CEACAM20: variants seen among roughly 807,000 people sequenced by gnomAD.
CEACAM20 encodes CEA cell adhesion molecule 20, also known as cell adhesion molecule CEACAM20.
A neutral mutation model predicts 61.2 loss-of-function variants in CEACAM20; 50 were observed. The ratio of observed to expected loss-of-function variants is 0.82; its 90% CI spans 0.65 to 1.03. CEACAM20 has a LOEUF of 1.03. Ranked by LOEUF, CEACAM20 falls within the 50% of genes least tolerant of loss-of-function variation. The pLI, the probability that CEACAM20 is intolerant of heterozygous loss-of-function variation, is 0.00. For missense variants in CEACAM20, 683 were observed against 736.4 expected (o/e 0.93, Z 0.84); for synonymous variants, 282 against 287.7 (o/e 0.98, Z 0.20).
In CEACAM20 at chr19:44,511,035, A is replaced by G; in HGVS notation, c.1732T>C (p.Tyr578His). ...STVPKNMESI[Y>H]EELVNPEPNT... ...TCAGTGTGGCATAAACATACCTCAT[A>G]GATTGACTCCATGTTTTTTGGCACA... Residue 578 changes from tyrosine to histidine, a missense_variant, in exon 11 of 12, where the codon TAT becomes CAT. By Grantham distance (83) the Tyr-to-His change is moderately conservative (BLOSUM62 2). Transcript: ENST00000614924. 6.2e-7 allele frequency: 1 copy of G among 1,613,954 alleles called. No individual in the cohort carries two copies. Among genetic ancestry groups the G allele is most frequent in the Non-Finnish European group, 8.5e-7 (1 of 1,179,854 alleles).
Position 44,517,272 on chromosome 19 carries a change from C to A in CEACAM20, c.1031-48G>T. 3 of 1,584,926 alleles carry A rather than the reference C, an allele frequency of 1.9e-6. No homozygotes were observed. The South Asian group carries it at 3.3e-5, about 18-fold the overall frequency. On this transcript the variant is annotated intron_variant, in intron 5 of 11. Coordinates refer to ENST00000614924, the MANE Select transcript of CEACAM20 (RefSeq NM_001102597.3). ...TGCACCCTGGCCCCCATCAGCGAGTCATCCCATTCTGCCCCATTCACTTTC... is the reference window on the plus strand; with the variant it reads ...TGCACCCTGGCCCCCATCAGCGAGTAATCCCATTCTGCCCCATTCACTTTC...
At chr19:44,529,305 C>T (rs1971637452) in intron 1 of CEACAM20, among the ~76,000 whole-genome samples, 153 bp downstream of exon 1, 1 of 151,630 alleles carries the variant, frequency 6.6e-6, no homozygotes, top group South Asian at 2.1e-4. Flanking sequence ...CTGTCTCTGT[C>T]TCTGTGTCTC....
intron 3 of CEACAM20, 26 bp from the exon 4 acceptor site, chr19:44,522,938 AG>A: frequency 6.3e-7 from 1 of 1,576,178 alleles, no homozygotes; most frequent in Non-Finnish European, 8.6e-7. Flanking sequence ...CAATTACAGC[AG>A]TAACAACAGC....
At chr19:44,523,239 T>A (rs1249219048) in intron 3 of CEACAM20, among the ~76,000 whole-genome samples, 1 of 151,722 alleles carries the variant, frequency 6.6e-6, no homozygotes, top group Admixed American at 6.6e-5. Flanking sequence ...CAAGATCCCA[T>A]CTCTACAAAA....
intron 1 of CEACAM20, among the ~76,000 whole-genome samples, chr19:44,526,585 G>A (rs1265018775): frequency 6.6e-6 from 1 of 151,732 alleles, no homozygotes; most frequent in Admixed American, 6.6e-5. Flanking sequence ...GGGGCTGCAA[G>A]AGACTATGGG....
chr19:44,518,108 AAGGAAGGAAGGAAGGAAGGAAGG>A (rs1971234650), intron 5 of CEACAM20, among the ~76,000 whole-genome samples: 3,688 of 41,586 alleles, frequency 0.089, 391 homozygotes, highest in East Asian at 0.44. Flanking sequence ...GAAAGAAAGG[AAGGAAGGAAGGAAGGAAGGAAGG>A]AAGGAAGGAA....
chr19:44,520,647 T>C lies in CEACAM20; in HGVS notation c.857A>G (p.Gln286Arg), dbSNP rs371139859. The C allele has an allele frequency of 3.0e-5, 48 of 1,613,904 alleles. No individual in the cohort carries two copies. In the Admixed American group the frequency reaches 6.0e-4, roughly 20 times the overall value. Residue 286 changes from glutamine to arginine, a missense_variant, in exon 5 of 12, where the codon CAG (glutamine) becomes CGG (arginine). Physicochemically the swap from Gln to Arg is conservative, Grantham distance 43. Coordinates refer to ENST00000614924, the MANE Select transcript of CEACAM20 (RefSeq NM_001102597.3). ...CQTVNQSVNVQWFLSGQPLLP... is the reference protein window; with the variant it reads ...CQTVNQSVNVRWFLSGQPLLP... ...GAGGGGCTGGCCACTTAGGAACCAC[T>C]GGACATTCACACTCTGATTGACGGT... is the stretch of plus-strand genomic sequence containing the variant.
intron 6 of CEACAM20, among the ~76,000 whole-genome samples, chr19:44,513,881 T>C (rs969328420): frequency 2.0e-5 from 3 of 152,140 alleles, no homozygotes; most frequent in Non-Finnish European, 4.4e-5. Context: ...AACAATAGGG[T>C]TTATAGGGCT....
chr19:44,516,971 G>A lies in CEACAM20; in HGVS notation c.1284C>T (p.Ser428=), dbSNP rs1197032636. The A allele has an allele frequency of 1.3e-6, 2 of 1,599,220 alleles. No individual in the cohort carries two copies. The highest frequency in any genetic ancestry group is 2.7e-5 in the African/African-American group (2 of 74,718). ...CTACCACCTTGACCAGGACTGAAGT[G>A]GAGCGGGCCAGGCCAGTGAGAGAGT... ...ASNSLTGLAR[S]TSVLVKVVGP... Residue 428 remains serine (S), a synonymous_variant, in exon 6 of 12, where the codon TCC becomes TCT. Coordinates refer to ENST00000614924, the MANE Select transcript of CEACAM20 (RefSeq NM_001102597.3).
intron 1 of CEACAM20, among the ~76,000 whole-genome samples, chr19:44,528,041 T>A (rs1971579380): frequency 6.6e-6 from 1 of 152,020 alleles, no homozygotes; most frequent in South Asian, 2.1e-4. Flanking sequence ...TTTCTGAATC[T>A]ATTTCTGGCT....
chr19:44,518,855 G>A (rs1418611627), intron 5 of CEACAM20, among the ~76,000 whole-genome samples: 1 of 152,098 alleles, frequency 6.6e-6, no homozygotes, highest in Non-Finnish European at 1.5e-5. Context: ...GTACTAAAGT[G>A]TCACTGTCCC....
At chr19:44,529,167 G>C (rs950385185) in intron 1 of CEACAM20, among the ~76,000 whole-genome samples, 1 of 151,708 alleles carries the variant, frequency 6.6e-6, no homozygotes, top group Non-Finnish European at 1.5e-5. Flanking sequence ...GGTTTGCCAT[G>C]CTGGCCAGGC....
At chr19:44,521,718 A>C (rs1971370576) in intron 4 of CEACAM20, among the ~76,000 whole-genome samples, 1 of 151,916 alleles carries the variant, frequency 6.6e-6, no homozygotes, top group Non-Finnish European at 1.5e-5. Context: ...TGTTGTGTGC[A>C]TGCTATATGT....
chr19:44,524,367 A>T (rs886367252), intron 2 of CEACAM20, 106 bp from the exon 3 acceptor site: 1 of 1,262,170 alleles, frequency 7.9e-7, no homozygotes, highest in African/African-American at 1.5e-5. Context: ...TGGAATTGCC[A>T]GAAGACTCTC....
chr19:44,512,159 C>A (rs1322163186), intron 8 of CEACAM20, 81 bp from the exon 9 acceptor site: 2 of 1,053,276 alleles, frequency 1.9e-6, no homozygotes, highest in Non-Finnish European at 2.9e-6. Flanking sequence ...GACCCCTGAC[C>A]CCAGGAAGGA....
intron 5 of CEACAM20, among the ~76,000 whole-genome samples, chr19:44,519,490 G>A (rs1971288922): frequency 6.6e-6 from 1 of 152,062 alleles, no homozygotes; most frequent in South Asian, 2.1e-4. Context: ...ATGTATGAAA[G>A]TGCACCCCTC....
chr19:44,522,611 A>G lies in CEACAM20; in HGVS notation c.751+23T>C, dbSNP rs114949448. On this transcript the variant is annotated intron_variant, in intron 4 of 11. Coordinates refer to ENST00000614924, the MANE Select transcript of CEACAM20 (RefSeq NM_001102597.3). Reference sequence around the variant, plus strand: ...TCTGACGCTCAGAAGAATGAAGGAGAGGAACCGGGAAAGGAGACTCACCAA... The same window carrying G: ...TCTGACGCTCAGAAGAATGAAGGAGGGGAACCGGGAAAGGAGACTCACCAA... 2.4e-3 allele frequency: 3,791 copies of G among 1,604,888 alleles called. 71 individuals carry two copies. In the African/African-American group the frequency reaches 0.04, roughly 17 times the overall value.
At chr19:44,510,610 A>AAGAAAGAAAGAAAGAAAGAAAG (rs1446342735) in intron 11 of CEACAM20, among the ~76,000 whole-genome samples, 4 of 58,948 alleles carry the variant, frequency 6.8e-5, no homozygotes, top group East Asian at 1.3e-3. Flanking sequence ...GAAAGAAAGA[A>AAGAAAGAAAGAAAGAAAGAAAG]AAAGGAAGGA....
intron 1 of CEACAM20, among the ~76,000 whole-genome samples, chr19:44,525,514 C>T (rs978321353): frequency 6.6e-6 from 1 of 152,194 alleles, no homozygotes; most frequent in Non-Finnish European, 1.5e-5. Flanking sequence ...GCAATCTCAG[C>T]TCACTGCAAT....
Sources: allele counts gnomAD v4.1 joint callset (sites outside exome capture counted in the v4.1 genomes callset), GRCh38; gene constraint gnomAD v4.1.1; transcripts MANE v1.5; gene names NCBI Gene and HGNC (gene_info 2026-07-23, HGNC 2026-07-21).